ATG2A: variants seen among roughly 807,000 people sequenced by gnomAD.
ATG2A encodes the protein autophagy-related protein 2 homolog A.
Under a neutral mutation model 214.2 loss-of-function variants are expected in ATG2A, and 103 were observed. That is an observed-to-expected ratio of 0.48 (90% CI 0.41 to 0.57). The LOEUF is 0.57. Ranked by LOEUF, ATG2A falls within the 20% of genes least tolerant of loss-of-function variation. ATG2A has a pLI of 0.00. For synonymous variants in ATG2A, 1,160 were observed against 1,142.1 expected (o/e 1.02, Z -0.32); for missense variants, 2,312 against 2,613.2 (o/e 0.88, Z 2.51).
At chr11:64,901,360 T>A (rs116709878) in intron 29 of ATG2A, among the ~76,000 whole-genome samples, 13,490 of 152,128 alleles carry the variant, frequency 0.089, 979 homozygotes, top group African/African-American at 0.2. Flanking sequence ...ATTTTATTTT[T>A]ATTTTTTGTA....
At position 64,909,844 on chromosome 11, in the gene ATG2A, G is replaced by C; in HGVS notation, c.1944C>G (p.Pro648=). 1 of 1,610,130 alleles carries C rather than the reference G, an allele frequency of 6.2e-7. No homozygotes were observed. The highest frequency in any genetic ancestry group is 8.5e-7 in the Non-Finnish European group (1 of 1,178,928). Residue 648 remains proline, a synonymous_variant, in exon 14 of 41, where the codon CCC becomes CCG. Transcript: ENST00000377264. The part of the protein sequence containing the change: ...APRATLRLRF[P]IADLRPEPDP... Reference sequence around the variant, plus strand: ...CCGGCTCAGGCCGCAGGTCGGCAATGGGGAAGCGCAGCCGCAGCGTGGCCC... The same window carrying C: ...CCGGCTCAGGCCGCAGGTCGGCAATCGGGAAGCGCAGCCGCAGCGTGGCCC...
chr11:64,899,065 C>T (rs893127073), intron 31 of ATG2A, among the ~76,000 whole-genome samples: 1 of 152,190 alleles, frequency 6.6e-6, no homozygotes, highest in Non-Finnish European at 1.5e-5. Flanking sequence ...AGGCATGTGC[C>T]ACCACACCCA....
At chr11:64,906,310 G>A in intron 21 of ATG2A, 24 bp downstream of exon 21, 1 of 1,611,388 alleles carries the variant, frequency 6.2e-7, no homozygotes, top group Non-Finnish European at 8.5e-7. Context: ...TAGCAGGAGG[G>A]GTGGATGGTA....
chr11:64,904,543 C>T (rs75645154), intron 24 of ATG2A, among the ~76,000 whole-genome samples: 1 of 122,808 alleles, frequency 8.1e-6, no homozygotes, highest in Non-Finnish European at 1.8e-5. Flanking sequence ...GACTCTGTCT[C>T]AAAAAAAAAA....
intron 26 of ATG2A, among the ~76,000 whole-genome samples, chr11:64,902,958 G>T (rs569027764): frequency 1.4e-5 from 2 of 138,568 alleles, no homozygotes; most frequent in African/African-American, 5.3e-5. Flanking sequence ...TGCATGCCTA[G>T]CGAGGCAGGG....
chr11:64,898,912 C>T lies in ATG2A; in HGVS notation c.4465-70G>A, dbSNP rs1184584189. 2.8e-6 allele frequency: 4 copies of T among 1,434,698 alleles called. No homozygotes were observed. The highest frequency in any genetic ancestry group is 3.8e-6 in the Non-Finnish European group (4 of 1,050,000). 88.9% of individuals were successfully genotyped at this position (1,434,698 alleles called of 1,614,324 possible). A position where few individuals can be genotyped will look rare whatever the true frequency, so the allele number is the denominator to read the frequency against. Reference sequence around the variant, plus strand: ...AGGGAGGGAAGGGCTGGCCCCAGACCCCTTCTCTATTCTTTTTTTGAGACA... The same window carrying T: ...AGGGAGGGAAGGGCTGGCCCCAGACTCCTTCTCTATTCTTTTTTTGAGACA... On this transcript the variant is annotated intron_variant, in intron 31 of 40. Transcript: ENST00000377264. The surrounding 1 kb of genome is among the most constrained non-coding windows in gnomAD (Gnocchi z 4.5).
At chr11:64,897,548 G>T (rs559736380) in intron 36 of ATG2A, 54 bp from the exon 37 acceptor site, 213 of 1,595,432 alleles carry the variant, frequency 1.3e-4, no homozygotes, top group Non-Finnish European at 1.8e-4. Flanking sequence ...GAGCTAGCTA[G>T]CCCATGGGAG....
chr11:64,901,904 C>A, intron 29 of ATG2A, 58 bp downstream of exon 29: 6 of 1,586,216 alleles, frequency 3.8e-6, no homozygotes, highest in Non-Finnish European at 5.1e-6. Flanking sequence ...AGTGTTCCGT[C>A]CCCGCTCCAA....
intron 29 of ATG2A, 65 bp downstream of exon 29, chr11:64,901,897 G>C: frequency 6.4e-7 from 1 of 1,572,338 alleles, no homozygotes; most frequent in East Asian, 2.2e-5. Flanking sequence ...ACCCCTGAGT[G>C]TTCCGTCCCC....
At chr11:64,909,410 T>C in intron 14 of ATG2A, 43 bp from the exon 15 acceptor site, 1 of 1,580,220 alleles carries the variant, frequency 6.3e-7, no homozygotes, top group Non-Finnish European at 8.7e-7. Flanking sequence ...ACTGCTGCCT[T>C]TTCCTATTTC....
At position 64,898,548 on chromosome 11, in the gene ATG2A, G is replaced by C. The variant is rs1311148726; in HGVS notation, c.4671+88C>G. 3 of 1,484,682 alleles carry C rather than the reference G, an allele frequency of 2.0e-6. No individual in the cohort carries two copies. In the African/African-American group the frequency reaches 4.2e-5, roughly 21 times the overall value. 92.0% of individuals were successfully genotyped at this position (1,484,682 alleles called of 1,614,324 possible). On this transcript the variant is annotated intron_variant, in intron 32 of 40. Coordinates refer to ENST00000377264, the MANE Select transcript of ATG2A (RefSeq NM_015104.3). The surrounding 1 kb of genome is among the most constrained non-coding windows in gnomAD (Gnocchi z 4.5). Reference sequence around the variant, plus strand: ...CCTGGGTGTTTGTGTGGGAATGCGTGTATGTGTGTGAATCCATGCATGCGT... The same window carrying C: ...CCTGGGTGTTTGTGTGGGAATGCGTCTATGTGTGTGAATCCATGCATGCGT...
intron 39 of ATG2A, among the ~76,000 whole-genome samples, chr11:64,896,239 G>T (rs1376591588): frequency 6.6e-6 from 1 of 152,246 alleles, no homozygotes; most frequent in Non-Finnish European, 1.5e-5. Context: ...GGCCTGGGGG[G>T]CACTCCCGCT....
chr11:64,901,969 C>G lies in ATG2A; in HGVS notation c.4112G>C (p.Gly1371Ala). ...EFCILDAPGL[G>A]IPPRDGEPVV... ...ATCCCTCCCACCACGCACCGGGATG[C>G]CCAGGCCGGGAGCATCAAGGATGCA... Residue 1371 changes from glycine (G) to alanine (A), a missense_variant, in exon 29 of 41, where the codon GGC (glycine) becomes GCC (alanine). Transcript: ENST00000377264. The G allele has an allele frequency of 6.2e-7, 1 of 1,612,974 alleles. No homozygotes were observed. The highest frequency in any genetic ancestry group is 8.5e-7 in the Non-Finnish European group (1 of 1,179,994).
At position 64,902,603 on chromosome 11, in the gene ATG2A, C is replaced by A; in HGVS notation, c.3690G>T (p.Leu1230=). Residue 1230 remains leucine, a synonymous_variant, in exon 27 of 41, where the codon CTG becomes CTT. Transcript: ENST00000377264. ...VHSCADSCAL[L]VNLLQYVMST... ...TCATTACGTACTGGAGCAGGTTGAC[C>A]AGCAGGGCACAGGAGTCGGCACAGC... 6.2e-7 allele frequency: 1 copy of A among 1,610,282 alleles called. No homozygotes were observed. Among genetic ancestry groups the A allele is most frequent in the Non-Finnish European group, 8.5e-7 (1 of 1,179,752 alleles).
Position 64,913,918 on chromosome 11 carries a change from G to A in ATG2A, c.493C>T (p.Arg165Trp), listed in dbSNP as rs769868426. 5 of 1,613,770 alleles carry A rather than the reference G, an allele frequency of 3.1e-6. No individual in the cohort carries two copies. Among genetic ancestry groups the A allele is most frequent in the South Asian group, 2.2e-5 (2 of 91,068 alleles). ...MFAQTIETVL[R>W]RIKVTFLDTV... ...TCCAGGAAGGTCACTTTGATCCTCC[G>A]AAGCACTGAGGAGTTGGGGAGGGGT... The change falls in exon 4 of 41, where the codon CGG (arginine) becomes TGG (tryptophan). Residue 165 changes from arginine (R) to tryptophan (W), a missense_variant. Arg to Trp is a moderately radical substitution (Grantham distance 101). Transcript: ENST00000377264. The surrounding 1 kb of genome is among the most constrained non-coding windows in gnomAD (Gnocchi z 4.3).
rs1944890079 is a variant in ATG2A at position 64,914,212 on chromosome 11, T to C, written c.356A>G (p.Gln119Arg). The C allele has an allele frequency of 2.6e-6, 4 of 1,553,676 alleles. No individual in the cohort carries two copies. The highest frequency in any genetic ancestry group is 1.2e-5 in the South Asian group (1 of 84,302). Residue 119 changes from glutamine to arginine, a missense_variant, in exon 3 of 41, where the codon CAG becomes CGG. Gln to Arg is a conservative substitution (Grantham distance 43). Transcript: ENST00000377264. ...TGTGGTCATGCATGAGGCCCAGCTC[T>C]GTGAGTCGGCAGCCCCTGGCGCTGT... is the stretch of plus-strand genomic sequence containing the variant. Reference protein sequence around the residue: ...RGPAPGAADSQSWASCMTTSL... With the variant: ...RGPAPGAADSRSWASCMTTSL...
Position 64,905,671 on chromosome 11 carries a change from GGGCTGGGGCC to G in ATG2A, c.3372-26_3372-17del. On this transcript the variant is annotated splice_polypyrimidine_tract_variant and intron_variant, in intron 23 of 40. Coordinates refer to ENST00000377264, the MANE Select transcript of ATG2A (RefSeq NM_015104.3). ...GTAGAGTGGCCTGGGGGTGATACTC[GGGCTGGGGCC>G]GGCTCCTTACACCTGAGAGCCCATC... 1 of 1,613,654 alleles carries G rather than the reference GGGCTGGGGCC, an allele frequency of 6.2e-7. No homozygotes were observed. The highest frequency in any genetic ancestry group is 8.5e-7 in the Non-Finnish European group (1 of 1,179,858).
Position 64,911,133 on chromosome 11 carries a change from G to T in ATG2A, c.1371C>A (p.Thr457=). 6.2e-7 allele frequency: 1 copy of T among 1,614,138 alleles called. No homozygotes were observed. The highest frequency in any genetic ancestry group is 8.5e-7 in the Non-Finnish European group (1 of 1,180,030). The change falls in exon 10 of 41, where the codon ACC becomes ACA. Residue 457 remains threonine, a synonymous_variant. Transcript: ENST00000377264. ...GCCCATCCTTGGTGGCATCAAACTC[G>T]GTGAAAAAGTGCGTGGCGAGGTCAG... The part of the protein sequence containing the change: ...GPPDLATHFF[T]EFDATKDGPF...
chr11:64,909,391 G>C (rs1468686424), intron 14 of ATG2A, 24 bp from the exon 15 acceptor site: 1 of 1,602,796 alleles, frequency 6.2e-7, no homozygotes. Context: ...GGGAATTAGG[G>C]GGGTCATCAC....
Sources: allele counts gnomAD v4.1 joint callset (sites outside exome capture counted in the v4.1 genomes callset), GRCh38; gene constraint gnomAD v4.1.1; non-coding constraint Gnocchi (gnomAD v3.1); transcripts MANE v1.5; gene names NCBI Gene and HGNC (gene_info 2026-07-23, HGNC 2026-07-21).